The following CGGBP1 variants were observed in gnomAD, a reference collection of about 807,000 sequenced individuals.
CGGBP1 encodes the protein CGG triplet repeat-binding protein 1.
Under a neutral mutation model 11.4 loss-of-function variants are expected in CGGBP1, and 4 were observed. The observed-to-expected ratio is 0.35, with a 90% confidence interval of 0.17 to 0.80. The LOEUF is 0.80. Ranked by LOEUF, CGGBP1 falls within the 30% of genes least tolerant of loss-of-function variation. The pLI, the probability that CGGBP1 is intolerant of heterozygous loss-of-function variation, is 0.52. For missense variants in CGGBP1, 135 were observed against 202.1 expected, an observed-to-expected ratio of 0.67 and a Z score of 2.01; for synonymous variants, 76 against 74.1, an observed-to-expected ratio of 1.03 and a Z score of -0.13.
At chr3:88,094,343 C>T (rs1329522839) in intron 2 of CGGBP1, among the ~76,000 whole-genome samples, 2 of 152,000 alleles carry the variant, frequency 1.3e-5, no homozygotes, top group Non-Finnish European at 2.9e-5. Context: ...GTCTTTATTG[C>T]TCCTTTTATT....
rs1706509061 is a variant in CGGBP1 at position 88,054,977 on chromosome 3, G to T, written c.*496C>A. 6.8e-6 allele frequency: 1 copy of T among 146,658 alleles called. No homozygotes were observed. Among genetic ancestry groups the T allele is most frequent in the Non-Finnish European group, 1.5e-5 (1 of 66,610 alleles). The allele number at this position is 146,658 out of a possible 1,614,324, so 9.1% of individuals were successfully genotyped here. A position where few individuals can be genotyped will look rare whatever the true frequency, so the allele number is the denominator to read the frequency against. On this transcript the variant is annotated 3_prime_UTR_variant, in exon 4 of 4. Coordinates refer to ENST00000482016, the MANE Select transcript of CGGBP1 (RefSeq NM_001008390.2). ...TTGAAATAAACAGTCATTTCTGCTA[G>T]GGATCTGAAGATATAAGAACAGTTT...
At chr3:88,099,190 A>G (rs1559709197) in intron 2 of CGGBP1, among the ~76,000 whole-genome samples, 1 of 152,138 alleles carries the variant, frequency 6.6e-6, no homozygotes, top group African/African-American at 2.4e-5. Flanking sequence ...CTACACCAAT[A>G]ACAGACAGAG....
At chr3:88,080,585 C>T (rs1708027075) in intron 2 of CGGBP1, among the ~76,000 whole-genome samples, 1 of 152,066 alleles carries the variant, frequency 6.6e-6, no homozygotes, top group Non-Finnish European at 1.5e-5. Flanking sequence ...GGAATTCAAA[C>T]CTAGGTCTGT....
At chr3:88,132,366 T>G (rs1020187366) in intron 2 of CGGBP1, among the ~76,000 whole-genome samples, 21 of 152,184 alleles carry the variant, frequency 1.4e-4, no homozygotes, top group Non-Finnish European at 2.5e-4. Flanking sequence ...GGGAAATGCG[T>G]TTGTACACTG....
chr3:88,139,329 T>G, intron 2 of CGGBP1: 2 of 1,605,870 alleles, frequency 1.2e-6, no homozygotes, highest in Non-Finnish European at 1.7e-6. Context: ...TAACAAGGAA[T>G]TTTTAGGTGG....
intron 1 of CGGBP1, among the ~76,000 whole-genome samples, chr3:88,148,623 A>G (rs555006632): frequency 2.6e-4 from 39 of 152,292 alleles, no homozygotes; most frequent in African/African-American, 9.1e-4. Context: ...TGTACAATAT[A>G]TGACTGATAT....
At chr3:88,103,434 C>A (rs918490825) in intron 2 of CGGBP1, among the ~76,000 whole-genome samples, 20 of 152,008 alleles carry the variant, frequency 1.3e-4, no homozygotes, top group African/African-American at 4.8e-4. Flanking sequence ...CATAGAAATA[C>A]CCAAACTAAA....
intron 2 of CGGBP1, among the ~76,000 whole-genome samples, chr3:88,131,468 G>A (rs1018240500): frequency 2.6e-5 from 4 of 152,104 alleles, no homozygotes; most frequent in Non-Finnish European, 5.9e-5. Flanking sequence ...GGTATCTTTA[G>A]TTCTTTCATT....
At chr3:88,113,720 C>T (rs1705227911) in intron 2 of CGGBP1, among the ~76,000 whole-genome samples, 1 of 152,106 alleles carries the variant, frequency 6.6e-6, no homozygotes, top group Admixed American at 6.6e-5. Context: ...TGGGAAGCAA[C>T]CCTGACCCAC....
In CGGBP1 at chr3:88,106,490, G is replaced by T. The variant is rs186472903; in HGVS notation, c.-229+34480C>A. On this transcript the variant is annotated intron_variant, in intron 2 of 3. Transcript: ENST00000462901. ...GTAGCTGAGATTACACATGTGTGCA[G>T]CCACCCCCAGCTAATTGTTTGTATT... is the stretch of plus-strand genomic sequence containing the variant. Among the ~76,000 whole-genome samples the T allele has an allele frequency of 6.6e-5, 10 of 151,918 alleles. No individual in the cohort carries two copies. In the East Asian group the frequency reaches 1.9e-3, roughly 30 times the overall value.
At chr3:88,084,784 C>T (rs1708251621) in intron 2 of CGGBP1, among the ~76,000 whole-genome samples, 2 of 152,128 alleles carry the variant, frequency 1.3e-5, no homozygotes, top group South Asian at 2.1e-4. Context: ...GCGTGAGTTT[C>T]GTGTTTATGA....
At chr3:88,113,721 C>T (rs982293979) in intron 2 of CGGBP1, among the ~76,000 whole-genome samples, 1 of 152,196 alleles carries the variant, frequency 6.6e-6, no homozygotes, top group South Asian at 2.1e-4. Context: ...GGGAAGCAAC[C>T]CTGACCCACT....
intron 2 of CGGBP1, among the ~76,000 whole-genome samples, chr3:88,125,172 G>C (rs1178589586): frequency 1.3e-5 from 2 of 150,642 alleles, no homozygotes; most frequent in Non-Finnish European, 2.9e-5. Context: ...CCAAGATCGT[G>C]CCACTGCACT....
At chr3:88,063,952 C>A (rs1254398216), upstream of CGGBP1, among the ~76,000 whole-genome samples, 4 of 152,128 alleles carry the variant, frequency 2.6e-5, no homozygotes, top group African/African-American at 9.7e-5. Context: ...TGTCCTAAAT[C>A]CTACTTAATG....
rs1178485513 is a variant in CGGBP1, at chr3:88,125,891, C to T, written c.-229+15079G>A. On this transcript the variant is annotated intron_variant, in intron 2 of 3. Coordinates refer to the CGGBP1 transcript ENST00000462901. ...GAAATGATGTGTCCTTTAGGTTACA[C>T]GTCATCCCTATTTGGGATTTTCTAA... Among the ~76,000 whole-genome samples the T allele has an allele frequency of 8.5e-5, 13 of 152,148 alleles. 1 individual carries two copies. Among genetic ancestry groups the T allele is most frequent in the Admixed American group, 7.9e-4 (12 of 15,272 alleles).
intron 2 of CGGBP1, among the ~76,000 whole-genome samples, chr3:88,064,207 A>C (rs1420308447): frequency 6.6e-6 from 1 of 151,216 alleles, no homozygotes; most frequent in Admixed American, 6.6e-5. Flanking sequence ...ATCACTGGCA[A>C]CTCTTTCAGT....
At chr3:88,086,435 T>C (rs185642650) in intron 2 of CGGBP1, 96 of 1,436,002 alleles carry the variant, frequency 6.7e-5, no homozygotes, top group Non-Finnish European at 8.5e-5. Context: ...AAATGCATTA[T>C]TTTTCTTGAT....
chr3:88,110,295 A>G (rs1000302459), intron 2 of CGGBP1, among the ~76,000 whole-genome samples: 12 of 152,138 alleles, frequency 7.9e-5, no homozygotes, highest in African/African-American at 2.9e-4. Flanking sequence ...TCTGTAAAGG[A>G]CCAGATACTA....
At chr3:88,085,093 A>G (rs1388971831) in intron 2 of CGGBP1, among the ~76,000 whole-genome samples, 3 of 152,214 alleles carry the variant, frequency 2.0e-5, no homozygotes. Context: ...AAAATTGTAG[A>G]AATGTGAGAG....
Sources: allele counts gnomAD v4.1 joint callset (sites outside exome capture counted in the v4.1 genomes callset), GRCh38; gene constraint gnomAD v4.1.1; transcripts MANE v1.5; gene names NCBI Gene and HGNC (gene_info 2026-07-23, HGNC 2026-07-21).